KRT26: variants seen among roughly 807,000 people sequenced by gnomAD.
KRT26 encodes keratin 26.
In KRT26, 45 loss-of-function variants were observed where a neutral mutation model predicts 46.1. That is an observed-to-expected ratio of 0.98 (90% CI 0.77 to 1.25). KRT26 has a LOEUF of 1.25. Ranked by LOEUF, KRT26 falls within the 50% of genes most tolerant of loss-of-function variation. KRT26 has a pLI of 0.00. For missense variants in KRT26, 582 were observed against 560.1 expected (o/e 1.04, Z -0.39); for synonymous variants, 191 against 209.9 (o/e 0.91, Z 0.78).
rs370652265 is a variant in KRT26, at chr17:40,769,780, T to C, written c.943A>G (p.Ile315Val). 3 of 1,614,200 alleles carry C rather than the reference T, an allele frequency of 1.9e-6. No homozygotes were observed. Among genetic ancestry groups the C allele is most frequent in the Non-Finnish European group, 2.5e-6 (3 of 1,180,024 alleles). The stretch of plus-strand genomic sequence containing the variant: ...ACAGCCATGAGGGACTGAAGTTCTA[T>C]TTCCAGGGTTTGCAGATTGCGTTTT... Residue 315 changes from isoleucine to valine, a missense_variant, in exon 5 of 8, where the codon ATA becomes GTA. Coordinates refer to ENST00000335552, the Ensembl canonical transcript of KRT26.
chr17:40,768,721 G>A (rs898059726), intron 6 of KRT26, among the ~76,000 whole-genome samples, 158 bp downstream of exon 6: 3 of 151,922 alleles, frequency 2.0e-5, no homozygotes, highest in African/African-American at 7.3e-5. Context: ...ATTTCTGCAT[G>A]TTTTAATTTC....
At position 40,770,427 on chromosome 17, in the gene KRT26, C is replaced by T; in HGVS notation, c.525-18G>A. ...TTTCATACCTGAAAGATTAGTAAGG[C>T]ACCTGAGAGTTGTCATCGTAGGCAG... On this transcript the variant is annotated intron_variant, in intron 2 of 7. Transcript: ENST00000335552. 1 of 1,566,484 alleles carries T rather than the reference C, an allele frequency of 6.4e-7. No homozygotes were observed.
upstream of KRT26, chr17:40,772,190 C>T: frequency 8.2e-7 from 1 of 1,215,850 alleles, no homozygotes; most frequent in Non-Finnish European, 1.2e-6. Flanking sequence ...TTGTTAGCTC[C>T]CTTGGCCTTT....
intron 6 of KRT26, 27 bp from the exon 7 acceptor site, chr17:40,767,680 A>T: frequency 1.5e-6 from 2 of 1,367,540 alleles, no homozygotes; most frequent in African/African-American, 1.5e-5. Flanking sequence ...AAATTATTGC[A>T]TTTTTTTTTC....
exon 1 of KRT26, chr17:40,772,131 G>T (rs1280749611): frequency 2.5e-6 from 4 of 1,608,436 alleles, no homozygotes; most frequent in African/African-American, 1.3e-5. Flanking sequence ...GCACAGCCGG[G>T]CAACCCCTTC....
At chr17:40,771,478 C>T (rs2038220716) in intron 1 of KRT26, among the ~76,000 whole-genome samples, 195 bp downstream of exon 1, 2 of 152,180 alleles carry the variant, frequency 1.3e-5, no homozygotes, top group South Asian at 4.1e-4. Context: ...GTGACTATAT[C>T]TGTTTTGAAA....
intron 7 of KRT26, among the ~76,000 whole-genome samples, 160 bp from the exon 8 acceptor site, chr17:40,766,826 G>A (rs1485259221): frequency 6.6e-6 from 1 of 152,084 alleles, no homozygotes; most frequent in Non-Finnish European, 1.5e-5. Context: ...TGCAGCCTCT[G>A]CCTCCCGGGT....
intron 6 of KRT26, among the ~76,000 whole-genome samples, chr17:40,768,252 T>G (rs962046777): frequency 1.3e-5 from 2 of 152,228 alleles, no homozygotes; most frequent in Admixed American, 1.3e-4. Flanking sequence ...AAATACCTTT[T>G]CTGTGTATGC....
In KRT26 at chr17:40,766,624, A is replaced by T. The variant is rs753298481; in HGVS notation, c.1298T>A (p.Leu433Gln). ...TGAAAGGAGATTGCCAATTTGATCCAGTTCCTCAACCACTGTTTTAACAAT... is the reference window on the plus strand; with the variant it reads ...TGAAAGGAGATTGCCAATTTGATCCTGTTCCTCAACCACTGTTTTAACAAT... The change falls in exon 8 of 8, where the codon CTG (leucine) becomes CAG (glutamine). Residue 433 changes from leucine (L) to glutamine (Q), a missense_variant. Leu to Gln is a moderately radical substitution (Grantham distance 113, BLOSUM62 -2). Coordinates refer to ENST00000335552, the Ensembl canonical transcript of KRT26. The T allele has an allele frequency of 8.1e-6, 13 of 1,613,150 alleles. No homozygotes were observed. In the East Asian group the frequency reaches 2.9e-4, roughly 36 times the overall value.
chr17:40,770,269 T>G, exon 3 of KRT26: 1 of 1,614,216 alleles, frequency 6.2e-7, no homozygotes, highest in Non-Finnish European at 8.5e-7. Flanking sequence ...ATGACTTTTT[T>G]TGAGGTAGGT....
rs761278968 is a variant in KRT26 at position 40,771,137 on chromosome 17, A to C, written c.524+17T>G. 2.8e-6 allele frequency: 4 copies of C among 1,435,350 alleles called. No individual in the cohort carries two copies. Among genetic ancestry groups the C allele is most frequent in the Non-Finnish European group, 3.8e-6 (4 of 1,042,704 alleles). The allele number at this position is 1,435,350 out of a possible 1,614,324, so 88.9% of individuals were successfully genotyped here. On this transcript the variant is annotated intron_variant, in intron 2 of 7. Transcript: ENST00000335552. The stretch of plus-strand genomic sequence containing the variant: ...TTAACTTTTATTAATATAATTAATC[A>C]GTTTGTTTTCACCTACTTCAGCCTG...
intron 5 of KRT26, 86 bp downstream of exon 5, chr17:40,769,668 G>A (rs2038202431): frequency 9.7e-6 from 13 of 1,343,298 alleles, no homozygotes; most frequent in African/African-American, 2.9e-5. Flanking sequence ...ATGGTTATAC[G>A]TACTTGGTGT....
chr17:40,770,442 A>C, intron 2 of KRT26, 33 bp from the exon 3 acceptor site: 1 of 1,545,866 alleles, frequency 6.5e-7, no homozygotes, highest in Non-Finnish European at 8.7e-7. Flanking sequence ...GAGAGTTGTC[A>C]TCGTAGGCAG....
exon 5 of KRT26, chr17:40,769,871 C>G (rs757692104): frequency 1.2e-6 from 2 of 1,614,142 alleles, no homozygotes; most frequent in South Asian, 2.2e-5. Context: ...GTTGTTGCAG[C>G]GTTGCACTCT....
chr17:40,771,957 C>A lies in KRT26; in HGVS notation c.157G>T (p.Gly53Ter), dbSNP rs751041876. 18 of 1,614,086 alleles carry A rather than the reference C, an allele frequency of 1.1e-5. No homozygotes were observed. In the Admixed American group the frequency reaches 2.0e-4, roughly 18 times the overall value. Residue 53 changes from glycine (G) to a stop codon, truncating the protein, a stop_gained, in exon 1 of 8, where the codon GGA (glycine) becomes TGA (stop). Transcript: ENST00000335552. LOFTEE classifies it high-confidence loss of function. ...CCACCGCTATTGCAGAAGCTTCCTCCAGAAGAGATGCCCTCAAGAGTACAA... is the reference window on the plus strand; with the variant it reads ...CCACCGCTATTGCAGAAGCTTCCTCAAGAAGAGATGCCCTCAAGAGTACAA...
exon 1 of KRT26, chr17:40,771,915 C>G (rs1442690185): frequency 6.2e-7 from 1 of 1,614,154 alleles, no homozygotes; most frequent in Non-Finnish European, 8.5e-7. Flanking sequence ...CCAGCACAGG[C>G]ACCACTTCCC....
intron 6 of KRT26, 27 bp from the exon 7 acceptor site, chr17:40,767,680 A>ATTTTT: frequency 1.5e-6 from 2 of 1,367,536 alleles, no homozygotes; most frequent in Non-Finnish European, 2.1e-6. Flanking sequence ...AAATTATTGC[A>ATTTTT]TTTTTTTTTC....
intron 6 of KRT26, 136 bp downstream of exon 6, chr17:40,768,743 A>G (rs2038191304): frequency 3.7e-6 from 2 of 534,034 alleles, no homozygotes; most frequent in East Asian, 6.1e-5. Context: ...CTTGGCTGCA[A>G]TAATATACAT....
At chr17:40,771,356 G>C (rs2038219877) in intron 1 of KRT26, 120 bp from the exon 2 acceptor site, 2 of 614,988 alleles carry the variant, frequency 3.3e-6, no homozygotes, top group South Asian at 5.2e-5. Context: ...TTTTTTCTAT[G>C]TTAAAGAAAT....
Sources: gnomAD v4.1 joint callset for allele counts (sites outside exome capture counted in the v4.1 genomes callset) on GRCh38, gnomAD v4.1.1 for gene constraint, MANE v1.5 for transcripts, NCBI Gene and HGNC (gene_info 2026-07-23, HGNC 2026-07-21) for gene names.